NAALADL2: variants seen among roughly 807,000 people sequenced by gnomAD.
NAALADL2 encodes the protein inactive N-acetylated-alpha-linked acidic dipeptidase-like protein 2.
NAALADL2 carries 76 observed loss-of-function variants against 87.2 expected under a neutral mutation model. The observed-to-expected ratio is 0.87, with a 90% confidence interval of 0.72 to 1.05. NAALADL2 has a LOEUF of 1.05. Among genes scored for constraint, NAALADL2 ranks in the 50% least tolerant of loss-of-function variants. The pLI, the probability that NAALADL2 is intolerant of heterozygous loss-of-function variation, is 0.00. For missense variants in NAALADL2, 1,089 were observed against 945.8 expected (o/e 1.15, Z -1.99); for synonymous variants, 354 against 331.0 (o/e 1.07, Z -0.75).
At chr3:174,836,362 T>C (rs1001187220) in intron 3 of NAALADL2, among the ~76,000 whole-genome samples, 21 of 152,070 alleles carry the variant, frequency 1.4e-4, no homozygotes, top group African/African-American at 5.1e-4. Flanking sequence ...TTAATGGGTA[T>C]AGCGTTTCAG....
intron 5 of NAALADL2, among the ~76,000 whole-genome samples, chr3:175,337,516 TG>T (rs961989236): frequency 7.9e-5 from 12 of 152,024 alleles, no homozygotes; most frequent in Admixed American, 2.0e-4. Flanking sequence ...CAGACAGACT[TG>T]GGGGGGCCAT....
At chr3:175,726,751 C>T (rs1247934449) in intron 11 of NAALADL2, among the ~76,000 whole-genome samples, 3 of 152,066 alleles carry the variant, frequency 2.0e-5, no homozygotes, top group African/African-American at 7.2e-5. Context: ...AGGGAGTACC[C>T]AAACTAGGAT....
At chr3:174,923,513 C>T (rs753584125) in intron 1 of NAALADL2, among the ~76,000 whole-genome samples, 1 of 152,046 alleles carries the variant, frequency 6.6e-6, no homozygotes, top group Admixed American at 6.6e-5. Flanking sequence ...TGAATTTTAT[C>T]CACTGATGGA....
At chr3:174,797,305 C>CTTTTTTTTTTT (rs1160338109) in intron 3 of NAALADL2, among the ~76,000 whole-genome samples, 32 of 72,716 alleles carry the variant, frequency 4.4e-4, no homozygotes, top group East Asian at 1.4e-3. Context: ...TTTCTTTTTT[C>CTTTTTTTTTTT]TTTTTTTTTT....
chr3:175,224,005 A>G (rs536748398), intron 2 of NAALADL2, among the ~76,000 whole-genome samples: 62 of 152,278 alleles, frequency 4.1e-4, no homozygotes, highest in African/African-American at 1.4e-3. Flanking sequence ...GACAATTACA[A>G]TGTTGAAACT....
At chr3:175,123,145 T>C (rs1726397930) in intron 2 of NAALADL2, among the ~76,000 whole-genome samples, 1 of 151,960 alleles carries the variant, frequency 6.6e-6, no homozygotes. Flanking sequence ...GAGGGGACAT[T>C]CAAGCCATAG....
chr3:175,100,676 A>G (rs1242860107), intron 2 of NAALADL2, among the ~76,000 whole-genome samples: 3 of 151,994 alleles, frequency 2.0e-5, no homozygotes, highest in African/African-American at 7.2e-5. Flanking sequence ...CGTCTCTACT[A>G]AAAATACAAA....
At chr3:175,157,963 T>C (rs1159502078) in intron 2 of NAALADL2, among the ~76,000 whole-genome samples, 2 of 152,118 alleles carry the variant, frequency 1.3e-5, no homozygotes, top group Admixed American at 1.3e-4. Flanking sequence ...ATTCTAATAC[T>C]CCATGCACCA....
At chr3:174,699,401 G>A (rs5004771) in intron 2 of NAALADL2, among the ~76,000 whole-genome samples, 33,485 of 151,438 alleles carry the variant, frequency 0.22, 5,457 homozygotes, top group East Asian at 0.48. Context: ...CTGAGGCAGG[G>A]GAGAATCCCT....
At chr3:175,130,486 G>A (rs574119732) in intron 2 of NAALADL2, among the ~76,000 whole-genome samples, 14 of 152,224 alleles carry the variant, frequency 9.2e-5, no homozygotes, top group African/African-American at 3.4e-4. Context: ...GTCTTACCTC[G>A]AAGTTTTTAA....
At chr3:175,356,966 T>C (rs1029247145) in intron 5 of NAALADL2, among the ~76,000 whole-genome samples, 15 of 152,030 alleles carry the variant, frequency 9.9e-5, no homozygotes, top group Admixed American at 9.2e-4. Context: ...ATGGTCTCAA[T>C]AGCTCAGTTC....
chr3:175,690,182 G>A (rs77360545), intron 11 of NAALADL2, among the ~76,000 whole-genome samples: 5,138 of 152,016 alleles, frequency 0.034, 313 homozygotes, highest in African/African-American at 0.12. Context: ...CTTGTGGGCC[G>A]TTCATATTGG....
At chr3:175,342,505 CGTGT>C (rs35444340) in intron 5 of NAALADL2, among the ~76,000 whole-genome samples, 32 of 146,688 alleles carry the variant, frequency 2.2e-4, no homozygotes, top group Middle Eastern at 3.4e-3. Context: ...CCAAATATTG[CGTGT>C]GTGTGTGTGT....
intron 3 of NAALADL2, among the ~76,000 whole-genome samples, chr3:174,754,671 T>C (rs1163210162): frequency 2.0e-5 from 3 of 152,040 alleles, no homozygotes; most frequent in East Asian, 1.9e-4. Flanking sequence ...AGAATTTTGA[T>C]TTGCTTGCTT....
chr3:175,054,966 C>G (rs141868867), intron 1 of NAALADL2, among the ~76,000 whole-genome samples: 3 of 152,116 alleles, frequency 2.0e-5, no homozygotes, highest in Non-Finnish European at 4.4e-5. Context: ...AATATGACTA[C>G]TTTGATATAC....
At chr3:175,717,559 G>A (rs192647373) in intron 11 of NAALADL2, among the ~76,000 whole-genome samples, 3 of 151,760 alleles carry the variant, frequency 2.0e-5, no homozygotes, top group Admixed American at 6.6e-5. Context: ...AGACGTAGTG[G>A]CGCAGGCCTG....
chr3:174,608,609 C>G (rs1719399791), intron 2 of NAALADL2, among the ~76,000 whole-genome samples: 1 of 152,040 alleles, frequency 6.6e-6, no homozygotes, highest in African/African-American at 2.4e-5. Context: ...CAAGACTAAA[C>G]CAGGAAGAAG....
chr3:175,132,414 C>G (rs1287812164), intron 2 of NAALADL2, among the ~76,000 whole-genome samples: 1 of 54,128 alleles, frequency 1.8e-5, no homozygotes, highest in Non-Finnish European at 3.3e-5. Flanking sequence ...ACCTCCCCGA[C>G]GGGTCTGTTG....
At chr3:175,436,364 C>T (rs1718672741) in intron 5 of NAALADL2, among the ~76,000 whole-genome samples, 1 of 149,200 alleles carries the variant, frequency 6.7e-6, no homozygotes, top group African/African-American at 2.5e-5. Flanking sequence ...GGGTATATAC[C>T]CACTAATGGG....
Sources: allele counts gnomAD v4.1 joint callset (sites outside exome capture counted in the v4.1 genomes callset), GRCh38; gene constraint gnomAD v4.1.1; transcripts MANE v1.5; gene names NCBI Gene and HGNC (gene_info 2026-07-23, HGNC 2026-07-21).